SERGEF: variants seen among roughly 807,000 people sequenced by gnomAD.
The protein encoded by SERGEF is secretion-regulating guanine nucleotide exchange factor.
Under a neutral mutation model 50.0 loss-of-function variants are expected in SERGEF, and 51 were observed. The ratio of observed to expected loss-of-function variants is 1.02; its 90% CI spans 0.81 to 1.29. The LOEUF is 1.29. Ranked by LOEUF, SERGEF falls within the 50% of genes most tolerant of loss-of-function variation. The pLI, the probability that SERGEF is intolerant of heterozygous loss-of-function variation, is 0.00. For synonymous variants in SERGEF, 205 were observed against 212.4 expected, an observed-to-expected ratio of 0.97 and a Z score of 0.30; for missense variants, 521 against 557.0, an observed-to-expected ratio of 0.94 and a Z score of 0.65.
At chr11:17,981,459 G>A (rs1853493888) in intron 8 of SERGEF, among the ~76,000 whole-genome samples, 1 of 152,208 alleles carries the variant, frequency 6.6e-6, no homozygotes. Context: ...CAGGCTTGGG[G>A]ACAAAAGATG....
At chr11:17,925,154 A>G (rs1014564001) in intron 9 of SERGEF, among the ~76,000 whole-genome samples, 5 of 152,154 alleles carry the variant, frequency 3.3e-5, no homozygotes, top group Non-Finnish European at 5.9e-5. Context: ...TAAAGAAAAA[A>G]CAATAGCCTC....
intron 10 of SERGEF, chr11:17,856,383 A>T (rs1397837445): frequency 6.6e-6 from 1 of 152,186 alleles, no homozygotes; most frequent in Non-Finnish European, 1.5e-5. Flanking sequence ...TTAGATCCTG[A>T]ATTCATCATC....
intron 9 of SERGEF, among the ~76,000 whole-genome samples, chr11:17,945,685 A>C (rs1852644509): frequency 6.6e-6 from 1 of 152,206 alleles, no homozygotes; most frequent in Non-Finnish European, 1.5e-5. Context: ...ATAAAACAAA[A>C]CAAATAAACC....
At chr11:17,954,726 G>A (rs1852832379) in intron 9 of SERGEF, among the ~76,000 whole-genome samples, 1 of 152,196 alleles carries the variant, frequency 6.6e-6, no homozygotes, top group South Asian at 2.1e-4. Context: ...TGAGTTCCCT[G>A]GCTGGGATTT....
chr11:18,003,763 A>C (rs567855654), intron 4 of SERGEF, among the ~76,000 whole-genome samples: 29 of 152,328 alleles, frequency 1.9e-4, no homozygotes, highest in Non-Finnish European at 3.8e-4. Flanking sequence ...ATAACAGGCA[A>C]ATCTATAGAG....
intron 4 of SERGEF, among the ~76,000 whole-genome samples, chr11:18,002,446 C>G (rs1259600280): frequency 6.6e-6 from 1 of 152,190 alleles, no homozygotes. Flanking sequence ...TCCAACCATA[C>G]TAAACTACTT....
In SERGEF at chr11:17,904,966, T is replaced by C. The variant is rs1050241223; in HGVS notation, c.1012-26722A>G. ...CAACTTTGCTCAACCCAGAGACTAC[T>C]TGACATCTGAAATATCAACTGTCTT... On this transcript the variant is annotated intron_variant, in intron 9 of 10. Coordinates refer to ENST00000265965, the MANE Select transcript of SERGEF (RefSeq NM_012139.4). Among the ~76,000 whole-genome samples, 7 of 152,216 alleles carry C rather than the reference T, an allele frequency of 4.6e-5. No individual in the cohort carries two copies. The East Asian group carries it at 7.7e-4, about 17-fold the overall frequency.
Position 17,990,076 on chromosome 11 carries a change from G to A in SERGEF, c.686-1321C>T, listed in dbSNP as rs192641729. Among the ~76,000 whole-genome samples, 398 of 152,312 alleles carry A rather than the reference G, an allele frequency of 2.6e-3. 3 individuals carry two copies. Among genetic ancestry groups the A allele is most frequent in the Non-Finnish European group, 2.7e-3 (181 of 68,030 alleles). On this transcript the variant is annotated intron_variant, in intron 7 of 10. Coordinates refer to ENST00000265965, the MANE Select transcript of SERGEF (RefSeq NM_012139.4). ...ATAGGGACTAGAAGCCAGGTCTTCT[G>A]CTTTCACTGCATTTTGTAGCTTCCC...
chr11:17,924,533 T>C (rs1431010539), intron 9 of SERGEF, among the ~76,000 whole-genome samples: 1 of 152,118 alleles, frequency 6.6e-6, no homozygotes, highest in Admixed American at 6.5e-5. Context: ...TCCTGGAAGA[T>C]ACTGAAAAGC....
At chr11:17,977,649 T>G (rs1853405554) in intron 8 of SERGEF, among the ~76,000 whole-genome samples, 1 of 152,166 alleles carries the variant, frequency 6.6e-6, no homozygotes. Flanking sequence ...CAAATTCATA[T>G]GTTGAAATCC....
chr11:17,852,011 C>T (rs1394709018), intron 10 of SERGEF, among the ~76,000 whole-genome samples: 1 of 152,220 alleles, frequency 6.6e-6, no homozygotes, highest in Non-Finnish European at 1.5e-5. Context: ...GGTTGTTTCA[C>T]TCCCCATCAA....
intron 1 of SERGEF, among the ~76,000 whole-genome samples, chr11:18,011,719 CAA>C (rs1301270777): frequency 2.6e-5 from 4 of 152,162 alleles, no homozygotes; most frequent in Admixed American, 2.0e-4. Context: ...TGTACTGAAA[CAA>C]TATTTCTGTT....
chr11:18,009,940 T>C (rs1854162549), intron 1 of SERGEF: 1 of 341,456 alleles, frequency 2.9e-6, no homozygotes, highest in Non-Finnish European at 5.7e-6. Flanking sequence ...CCAAAGACTA[T>C]AAATGGCCTT....
At chr11:17,957,734 G>A (rs1254802397) in intron 9 of SERGEF, among the ~76,000 whole-genome samples, 2 of 142,218 alleles carry the variant, frequency 1.4e-5, no homozygotes, top group African/African-American at 5.0e-5. Context: ...TTCACTAGTG[G>A]TGGGAAAAAA....
intron 10 of SERGEF, among the ~76,000 whole-genome samples, chr11:17,822,039 T>C (rs1005454131): frequency 8.6e-5 from 13 of 152,008 alleles, no homozygotes; most frequent in Non-Finnish European, 1.8e-4. Flanking sequence ...ATTTCCAAAC[T>C]CCCTCTAAAC....
chr11:17,969,487 T>A (rs1565218444), intron 8 of SERGEF, among the ~76,000 whole-genome samples: 1 of 152,042 alleles, frequency 6.6e-6, no homozygotes, highest in African/African-American at 2.4e-5. Flanking sequence ...AATCACACCC[T>A]ACAGAAAAGC....
At chr11:17,975,978 G>A (rs1260305291) in intron 8 of SERGEF, among the ~76,000 whole-genome samples, 4 of 152,128 alleles carry the variant, frequency 2.6e-5, no homozygotes, top group African/African-American at 9.7e-5. Context: ...AGGAATAAAG[G>A]GAGGAATTGT....
At position 17,988,633 on chromosome 11, in the gene SERGEF, T is replaced by C. The variant is rs1268013461; in HGVS notation, c.808A>G (p.Ile270Val). ...ACCAGGTGTGTCCATCCACTCCAGATGGCAGTGACCTTTTCATTCTGGAAA... is the reference window on the plus strand; with the variant it reads ...ACCAGGTGTGTCCATCCACTCCAGACGGCAGTGACCTTTTCATTCTGGAAA... ...HCFQNEKVTA[I>V]WSGWTHLVAQ... Residue 270 changes from isoleucine to valine, a missense_variant, in exon 8 of 11, where the codon ATC (isoleucine) becomes GTC (valine). Physicochemically the swap from Ile to Val is conservative, Grantham distance 29. Coordinates refer to ENST00000265965, the MANE Select transcript of SERGEF (RefSeq NM_012139.4). 2.5e-6 allele frequency: 4 copies of C among 1,614,184 alleles called. No homozygotes were observed. Among genetic ancestry groups the C allele is most frequent in the African/African-American group, 1.3e-5 (1 of 75,072 alleles).
At chr11:17,865,988 A>T (rs536474356) in intron 10 of SERGEF, among the ~76,000 whole-genome samples, 2 of 152,360 alleles carry the variant, frequency 1.3e-5, no homozygotes, top group South Asian at 4.1e-4. Context: ...TGCCGTATAC[A>T]GATGTATCAT....
Sources: allele counts gnomAD v4.1 joint callset (sites outside exome capture counted in the v4.1 genomes callset), GRCh38; gene constraint gnomAD v4.1.1; transcripts MANE v1.5; gene names NCBI Gene and HGNC (gene_info 2026-07-23, HGNC 2026-07-21).